The following EXOC6B variants were observed in gnomAD, a reference collection of about 807,000 sequenced individuals.
The protein encoded by EXOC6B is exocyst complex component 6B, also known as SEC15 homolog B.
EXOC6B carries 54 observed loss-of-function variants against 113.5 expected under a neutral mutation model. The observed-to-expected ratio is 0.48, with a 90% confidence interval of 0.38 to 0.60. The LOEUF (loss-of-function observed/expected upper bound fraction) is 0.60. Ranked by LOEUF, EXOC6B falls within the 20% of genes least tolerant of loss-of-function variation. The pLI, the probability that EXOC6B is intolerant of heterozygous loss-of-function variation, is 0.00. For synonymous variants in EXOC6B, 357 were observed against 339.0 expected (o/e 1.05, Z -0.58); for missense variants, 797 against 977.5 (o/e 0.82, Z 2.46).
intron 6 of EXOC6B, among the ~76,000 whole-genome samples, chr2:72,675,719 G>A (rs1206408536): frequency 2.6e-5 from 4 of 152,044 alleles, no homozygotes; most frequent in Non-Finnish European, 4.4e-5. Context: ...ACTTGAGCCT[G>A]GGAGGTTACG....
chr2:72,348,144 C>T (rs1689441553), intron 19 of EXOC6B, among the ~76,000 whole-genome samples: 2 of 152,072 alleles, frequency 1.3e-5, no homozygotes, highest in South Asian at 4.1e-4. Context: ...ATAGATAACA[C>T]CTGCTTATTG....
intron 18 of EXOC6B, among the ~76,000 whole-genome samples, chr2:72,382,445 T>C (rs1293887383): frequency 1.3e-5 from 2 of 152,222 alleles, no homozygotes; most frequent in Non-Finnish European, 2.9e-5. Flanking sequence ...CCCTGTGGTA[T>C]AGTTTGAAGT....
intron 8 of EXOC6B, among the ~76,000 whole-genome samples, chr2:72,558,885 T>C (rs1472333233): frequency 6.6e-6 from 1 of 152,166 alleles, no homozygotes; most frequent in African/African-American, 2.4e-5. Flanking sequence ...TGAAAGTTTC[T>C]GTAAAAAAAA....
At chr2:72,499,726 G>T (rs1195217671) in intron 12 of EXOC6B, among the ~76,000 whole-genome samples, 175 bp downstream of exon 12, 1 of 151,814 alleles carries the variant, frequency 6.6e-6, no homozygotes, top group Non-Finnish European at 1.5e-5. Flanking sequence ...TATAGATGGA[G>T]TCTCACTATA....
At chr2:72,555,276 T>C (rs1703476819) in intron 8 of EXOC6B, among the ~76,000 whole-genome samples, 2 of 152,208 alleles carry the variant, frequency 1.3e-5, no homozygotes, top group African/African-American at 2.4e-5. Flanking sequence ...TACCCAGTAA[T>C]GGGATGGCTG....
intron 20 of EXOC6B, among the ~76,000 whole-genome samples, chr2:72,253,572 T>C (rs144962504): frequency 6.6e-6 from 1 of 152,166 alleles, no homozygotes; most frequent in East Asian, 1.9e-4. Context: ...GAAGCCATTA[T>C]CCTAAGTGAG....
chr2:72,421,107 GTT>G (rs1161729708), intron 18 of EXOC6B, among the ~76,000 whole-genome samples: 4 of 151,176 alleles, frequency 2.6e-5, no homozygotes, highest in Admixed American at 1.3e-4. Flanking sequence ...TTGTAAATTT[GTT>G]TAAGTTCTTT....
intron 17 of EXOC6B, among the ~76,000 whole-genome samples, chr2:72,472,786 A>C (rs987188405): frequency 2.6e-5 from 4 of 151,788 alleles, no homozygotes; most frequent in African/African-American, 9.7e-5. Flanking sequence ...GTTTATTTGA[A>C]ATATTTCTGC....
intron 2 of EXOC6B, among the ~76,000 whole-genome samples, chr2:72,735,385 T>A (rs1239239737): frequency 6.6e-6 from 1 of 152,218 alleles, no homozygotes; most frequent in Non-Finnish European, 1.5e-5. Flanking sequence ...CACTCTCTTG[T>A]TTTCTATTCA....
chr2:72,487,482 T>C (rs1699491530), intron 16 of EXOC6B, among the ~76,000 whole-genome samples: 1 of 152,154 alleles, frequency 6.6e-6, no homozygotes, highest in African/African-American at 2.4e-5. Context: ...CGGCTCAGCC[T>C]CCCGAGTAGC....
chr2:72,302,577 G>A (rs965184306), intron 20 of EXOC6B, among the ~76,000 whole-genome samples: 3 of 152,174 alleles, frequency 2.0e-5, no homozygotes, highest in Non-Finnish European at 4.4e-5. Flanking sequence ...TTACCATTGT[G>A]TAATGTCCTT....
At chr2:72,779,286 T>A (rs1428546085) in intron 1 of EXOC6B, among the ~76,000 whole-genome samples, 3 of 151,622 alleles carry the variant, frequency 2.0e-5, no homozygotes, top group Non-Finnish European at 4.4e-5. Flanking sequence ...TCTGCCACTG[T>A]ATTATAAGCA....
At chr2:72,244,631 T>C (rs1682540059) in intron 20 of EXOC6B, among the ~76,000 whole-genome samples, 1 of 151,982 alleles carries the variant, frequency 6.6e-6, no homozygotes, top group Non-Finnish European at 1.5e-5. Context: ...AAAATTTCAA[T>C]AGAAATGATA....
At chr2:72,483,907 T>C (rs776131083) in intron 16 of EXOC6B, among the ~76,000 whole-genome samples, 2 of 152,216 alleles carry the variant, frequency 1.3e-5, no homozygotes, top group Non-Finnish European at 2.9e-5. Flanking sequence ...GTCCTAAACA[T>C]TATTTCAAGG....
At chr2:72,666,381 C>T (rs906949709) in intron 6 of EXOC6B, among the ~76,000 whole-genome samples, 17 of 152,082 alleles carry the variant, frequency 1.1e-4, no homozygotes, top group African/African-American at 4.1e-4. Flanking sequence ...CTAAGATCAA[C>T]CACATGCTTG....
chr2:72,558,650 T>A (rs1310778956), intron 8 of EXOC6B, among the ~76,000 whole-genome samples: 2 of 152,020 alleles, frequency 1.3e-5, no homozygotes, highest in Non-Finnish European at 2.9e-5. Flanking sequence ...ATGCCTGTAA[T>A]CCCAGCTACT....
At chr2:72,225,333 C>T (rs1041637869) in intron 20 of EXOC6B, among the ~76,000 whole-genome samples, 2 of 152,084 alleles carry the variant, frequency 1.3e-5, no homozygotes, top group Admixed American at 6.6e-5. Flanking sequence ...CAAATTAATG[C>T]TTACTGAGCA....
intron 6 of EXOC6B, among the ~76,000 whole-genome samples, chr2:72,620,636 A>G (rs1671689598): frequency 6.6e-6 from 1 of 151,612 alleles, no homozygotes; most frequent in Non-Finnish European, 1.5e-5. Flanking sequence ...AATTACAACA[A>G]AAAATATAAA....
At chr2:72,693,749 C>G (rs1169626456) in intron 6 of EXOC6B, among the ~76,000 whole-genome samples, 1 of 152,152 alleles carries the variant, frequency 6.6e-6, no homozygotes, top group African/African-American at 2.4e-5. Flanking sequence ...AATCTGATAC[C>G]TATTCTCTCG....
Sources: allele counts gnomAD v4.1 joint callset (sites outside exome capture counted in the v4.1 genomes callset), GRCh38; gene constraint gnomAD v4.1.1; transcripts MANE v1.5; gene names NCBI Gene and HGNC (gene_info 2026-07-23, HGNC 2026-07-21).